LRBA: variants seen among roughly 807,000 people sequenced by gnomAD.
LRBA encodes the protein lipopolysaccharide-responsive and beige-like anchor protein.
A neutral mutation model predicts 330.0 loss-of-function variants in LRBA; 176 were observed. The observed-to-expected ratio is 0.53, with a 90% confidence interval of 0.47 to 0.60. LRBA has a LOEUF of 0.60. Ranked by LOEUF, LRBA falls within the 20% of genes least tolerant of loss-of-function variation. The pLI is 0.00. For synonymous variants in LRBA, 1,230 were observed against 1,193.0 expected, an observed-to-expected ratio of 1.03 and a Z score of -0.64; for missense variants, 3,259 against 3,444.8, an observed-to-expected ratio of 0.95 and a Z score of 1.35.
At chr4:150,399,580 T>C (rs1745197169) in intron 47 of LRBA, among the ~76,000 whole-genome samples, 1 of 152,118 alleles carries the variant, frequency 6.6e-6, no homozygotes, top group South Asian at 2.1e-4. Context: ...ACATGCTAGC[T>C]GTTAAGTATG....
intron 30 of LRBA, among the ~76,000 whole-genome samples, chr4:150,824,831 G>C (rs1745989291): frequency 6.6e-6 from 1 of 151,950 alleles, no homozygotes; most frequent in African/African-American, 2.4e-5. Flanking sequence ...CTGGAGTGCA[G>C]TGGCATGAAC....
intron 37 of LRBA, among the ~76,000 whole-genome samples, chr4:150,658,359 CAAA>C (rs773218827): frequency 2.0e-5 from 2 of 100,014 alleles, no homozygotes; most frequent in Middle Eastern, 4.9e-3. Context: ...GTCTGCAAGC[CAAA>C]AAAAAAAAAA....
intron 40 of LRBA, among the ~76,000 whole-genome samples, chr4:150,585,251 T>C (rs1261425841): frequency 6.6e-6 from 1 of 152,160 alleles, no homozygotes; most frequent in African/African-American, 2.4e-5. Flanking sequence ...CCCAAGCATA[T>C]GGTGATATGA....
chr4:150,513,056 C>T (rs185547957), intron 40 of LRBA, among the ~76,000 whole-genome samples: 3 of 152,162 alleles, frequency 2.0e-5, no homozygotes, highest in African/African-American at 7.2e-5. Flanking sequence ...ATGTTAAATA[C>T]GTACAGTCAA....
In LRBA at chr4:150,298,928, AC is replaced by A. The variant is rs200936546; in HGVS notation, c.8017+3696del. Among the ~76,000 whole-genome samples the A allele has an allele frequency of 1.2e-3, 182 of 152,238 alleles. No homozygotes were observed. The East Asian group carries it at 0.032, about 27-fold the overall frequency. ...AGATATTATTCAGATATCTAAAAAT[AC>A]CTAATAAACATTTAATTTTTTAAAT... On this transcript the variant is annotated intron_variant, in intron 53 of 56. Transcript: ENST00000651943.
At chr4:150,873,214 A>T (rs957724064) in intron 17 of LRBA, among the ~76,000 whole-genome samples, 5 of 152,238 alleles carry the variant, frequency 3.3e-5, no homozygotes, top group Admixed American at 6.5e-5. Flanking sequence ...AAAAGTAAAA[A>T]GATTTACAAC....
In LRBA at chr4:150,449,256, T is replaced by C. The variant is rs1050721873; in HGVS notation, c.6781-12392A>G. Reference sequence around the variant, plus strand: ...AGGCAAAGATCCACTGCTTCTGGGGTAGGGTAAAAGCAAAAGCCCTTTCAA... The same window carrying C: ...AGGCAAAGATCCACTGCTTCTGGGGCAGGGTAAAAGCAAAAGCCCTTTCAA... On this transcript the variant is annotated intron_variant, in intron 44 of 56. Coordinates refer to ENST00000651943, the MANE Select transcript of LRBA (RefSeq NM_001364905.1). Among the ~76,000 whole-genome samples the C allele has an allele frequency of 4.6e-5, 7 of 151,806 alleles. No homozygotes were observed. In the East Asian group the frequency reaches 1.4e-3, roughly 29 times the overall value.
intron 13 of LRBA, among the ~76,000 whole-genome samples, chr4:150,903,874 T>C (rs1731029541): frequency 6.6e-6 from 1 of 152,206 alleles, no homozygotes; most frequent in African/African-American, 2.4e-5. Context: ...AACATCTGTC[T>C]TTCCCACTAA....
intron 37 of LRBA, among the ~76,000 whole-genome samples, chr4:150,635,776 T>A (rs1447256423): frequency 6.6e-6 from 1 of 152,162 alleles, no homozygotes; most frequent in Non-Finnish European, 1.5e-5. Context: ...TAAGCACCAC[T>A]CAAATTTTAC....
chr4:150,772,941 C>T (rs1736783248), intron 34 of LRBA, among the ~76,000 whole-genome samples: 1 of 152,140 alleles, frequency 6.6e-6, no homozygotes, highest in Admixed American at 6.5e-5. Context: ...CCATACCACC[C>T]TGAAAATGCC....
At chr4:150,807,850 A>G (rs146746703) in intron 32 of LRBA, among the ~76,000 whole-genome samples, 1,690 of 152,142 alleles carry the variant, frequency 0.011, 12 homozygotes, top group Non-Finnish European at 0.017. Flanking sequence ...AGTTTTCACC[A>G]TGTTGGCCAG....
intron 16 of LRBA, among the ~76,000 whole-genome samples, chr4:150,894,469 C>T (rs1312252452): frequency 6.6e-6 from 1 of 152,164 alleles, no homozygotes; most frequent in Non-Finnish European, 1.5e-5. Flanking sequence ...AAAAAAACTT[C>T]ATGAAAATCC....
chr4:150,800,288 G>C (rs996791627), intron 33 of LRBA, among the ~76,000 whole-genome samples: 7 of 152,180 alleles, frequency 4.6e-5, no homozygotes, highest in African/African-American at 1.7e-4. Context: ...GTATTGCAGG[G>C]GCAGGGTGGA....
At chr4:150,804,669 TGAG>T (rs769226112) in intron 33 of LRBA, among the ~76,000 whole-genome samples, 18 of 152,222 alleles carry the variant, frequency 1.2e-4, no homozygotes, top group Admixed American at 2.0e-4. Flanking sequence ...TTTTTCAGTT[TGAG>T]GAGAATACAA....
chr4:150,815,643 AT>A (rs1377137746), intron 31 of LRBA, among the ~76,000 whole-genome samples: 31 of 151,962 alleles, frequency 2.0e-4, no homozygotes, highest in Non-Finnish European at 3.7e-4. Context: ...TAGAAAAAAA[AT>A]TCTAATCACT....
chr4:150,405,035 TG>T (rs1471411185), intron 47 of LRBA, among the ~76,000 whole-genome samples: 4 of 152,118 alleles, frequency 2.6e-5, no homozygotes, highest in Admixed American at 2.0e-4. Flanking sequence ...ACTTTAACGG[TG>T]GGAGGCATTG....
intron 30 of LRBA, among the ~76,000 whole-genome samples, chr4:150,819,650 T>G (rs771864298): frequency 7.2e-5 from 11 of 152,102 alleles, no homozygotes; most frequent in Non-Finnish European, 1.5e-4. Flanking sequence ...CTGAACATTT[T>G]CATAATAAAA....
At chr4:150,626,048 G>C (rs1360490828) in intron 37 of LRBA, among the ~76,000 whole-genome samples, 1 of 151,556 alleles carries the variant, frequency 6.6e-6, no homozygotes, top group African/African-American at 2.4e-5. Context: ...TAGCCAGGAT[G>C]AAAAAACAAT....
intron 41 of LRBA, among the ~76,000 whole-genome samples, chr4:150,488,929 A>G (rs1205248182): frequency 3.6e-5 from 5 of 137,792 alleles, no homozygotes; most frequent in African/African-American, 1.3e-4. Flanking sequence ...ATAAGAATAT[A>G]TACACACACG....
Sources: gnomAD v4.1 joint callset for allele counts (sites outside exome capture counted in the v4.1 genomes callset) on GRCh38, gnomAD v4.1.1 for gene constraint, MANE v1.5 for transcripts, NCBI Gene and HGNC (gene_info 2026-07-23, HGNC 2026-07-21) for gene names.